Variants in ZEB1 observed in about 807,000 individuals in gnomAD.
ZEB1 encodes zinc finger E-box-binding homeobox 1.
ZEB1 carries 21 observed loss-of-function variants against 84.9 expected under a neutral mutation model. The observed-to-expected ratio is 0.25, with a 90% CI of 0.18 to 0.36. The LOEUF (loss-of-function observed/expected upper bound fraction) is 0.36. ZEB1 is among the 10% of genes least tolerant of loss of function. The pLI is 1.00. For synonymous variants in ZEB1, 420 were observed against 471.1 expected, an observed-to-expected ratio of 0.89 and a Z score of 1.41; for missense variants, 1,104 against 1,330.2, an observed-to-expected ratio of 0.83 and a Z score of 2.65.
In ZEB1 at chr10:31,526,653, C is replaced by T; in HGVS notation, c.2786-19C>T. The T allele has an allele frequency of 6.2e-7, 1 of 1,612,378 alleles. No individual in the cohort carries two copies. Among genetic ancestry groups the T allele is most frequent in the Non-Finnish European group, 8.5e-7 (1 of 1,179,848 alleles). On this transcript the variant is annotated intron_variant, in intron 8 of 8. Transcript: ENST00000424869. The stretch of plus-strand genomic sequence containing the variant: ...TGCTGAATACCACCATTTTATTTAA[C>T]AGAATTCTTATTTTGCAGGTAAAAG...
intron 1 of ZEB1, among the ~76,000 whole-genome samples, chr10:31,349,938 T>C (rs2041026842): frequency 6.6e-6 from 1 of 152,188 alleles, no homozygotes; most frequent in Non-Finnish European, 1.5e-5. Context: ...CCTATTTGTC[T>C]ATTTTTGTTT....
intron 1 of ZEB1, among the ~76,000 whole-genome samples, chr10:31,452,548 T>C (rs1234206119): frequency 6.6e-6 from 1 of 152,160 alleles, no homozygotes; most frequent in African/African-American, 2.4e-5. Context: ...TGCAGTTTTG[T>C]TTTCATTTTC....
intron 2 of ZEB1, among the ~76,000 whole-genome samples, chr10:31,471,738 C>A (rs2137953939): frequency 6.9e-6 from 1 of 144,330 alleles, no homozygotes; most frequent in South Asian, 2.3e-4. Context: ...AACTCTCCAC[C>A]CCAAATCAAC....
chr10:31,363,708 C>T, intron 1 of ZEB1: 1 of 1,219,550 alleles, frequency 8.2e-7, no homozygotes, highest in South Asian at 1.3e-5. Flanking sequence ...GGTGTCCAAA[C>T]ATTATGGAGT....
At position 31,529,710 on chromosome 10, in the gene ZEB1, A is replaced by G. The variant is rs1411228615; in HGVS notation, c.*2446A>G. ...TCACTTTTTTTGCTTCTAATTCCAG[A>G]ATATATGTTAAATGATCTAATAATT... On this transcript the variant is annotated 3_prime_UTR_variant, in exon 9 of 9. Transcript: ENST00000424869. 1 of 152,248 alleles carries G rather than the reference A, an allele frequency of 6.6e-6. No individual in the cohort carries two copies. Among genetic ancestry groups the G allele is most frequent in the Non-Finnish European group, 1.5e-5 (1 of 68,038 alleles). The allele number at this position is 152,248 out of a possible 1,614,324, so 9.4% of individuals were successfully genotyped here. A position where few individuals can be genotyped will look rare whatever the true frequency, so the allele number is the denominator to read the frequency against.
chr10:31,497,871 C>T (rs904380281), intron 3 of ZEB1, among the ~76,000 whole-genome samples: 5 of 151,288 alleles, frequency 3.3e-5, no homozygotes, highest in Non-Finnish European at 5.9e-5. Context: ...AAGTTTCAAA[C>T]ATGGAGGATA....
intron 1 of ZEB1, among the ~76,000 whole-genome samples, chr10:31,325,968 T>C (rs2035391753): frequency 1.3e-5 from 1 of 79,894 alleles, no homozygotes. Flanking sequence ...TGGTTTTGGG[T>C]TTTTTTTTTT....
At position 31,349,105 on chromosome 10, in the gene ZEB1, C is replaced by T. The variant is rs1358580572; in HGVS notation, c.58+29813C>T. ...CTACACCCCAGCCTCTGGTTACCAC[C>T]ATTCTACTCTCTGCTTCCATGATTT... is the stretch of plus-strand genomic sequence containing the variant. On this transcript the variant is annotated intron_variant, in intron 1 of 8. Coordinates refer to ENST00000424869, the MANE Select transcript of ZEB1 (RefSeq NM_001174096.2). Among the ~76,000 whole-genome samples the T allele has an allele frequency of 2.6e-5, 4 of 152,270 alleles. 1 individual carries two copies. Among genetic ancestry groups the T allele is most frequent in the Admixed American group, 2.0e-4 (3 of 15,290 alleles).
At position 31,406,282 on chromosome 10, in the gene ZEB1, A is replaced by G. The variant is rs138102382; in HGVS notation, c.59-54755A>G. 2.2e-3 allele frequency among the ~76,000 whole-genome samples: 332 copies of G among 152,244 alleles called. 2 individuals carry two copies. Among genetic ancestry groups the G allele is most frequent in the African/African-American group, 7.3e-3 (304 of 41,524 alleles). On this transcript the variant is annotated intron_variant, in intron 1 of 8. Transcript: ENST00000424869. ...AAGAATTGCCACACTGTCTTCCATA[A>G]TGGTTGAACTAATTTACACTCCCAC...
chr10:31,407,120 G>C (rs549757933), intron 1 of ZEB1, among the ~76,000 whole-genome samples: 98 of 151,368 alleles, frequency 6.5e-4, no homozygotes, highest in Non-Finnish European at 1.2e-3. Context: ...TATACCTTAA[G>C]TTTTAGGGTA....
intron 1 of ZEB1, among the ~76,000 whole-genome samples, chr10:31,445,189 A>G (rs1027087440): frequency 4.4e-4 from 64 of 144,896 alleles, no homozygotes; most frequent in Middle Eastern, 3.4e-3. Flanking sequence ...TGTGAATGGG[A>G]GTTCACTCAT....
intron 1 of ZEB1, 41 bp from the exon 2 acceptor site, chr10:31,460,996 A>C (rs772574125): frequency 1.3e-6 from 2 of 1,492,558 alleles, no homozygotes; most frequent in Non-Finnish European, 1.9e-6. Flanking sequence ...TGATTGTTTT[A>C]CTAGTTGGTT....
rs10490929 is a variant in ZEB1 at position 31,527,668 on chromosome 10, C to T, written c.*404C>T. 8,103 of 173,670 alleles carry T rather than the reference C, an allele frequency of 0.047. 601 individuals carry two copies. Among genetic ancestry groups the T allele is most frequent in the East Asian group, 0.17 (1,084 of 6,382 alleles). 10.8% of individuals were successfully genotyped at this position (173,670 alleles called of 1,614,324 possible). On this transcript the variant is annotated 3_prime_UTR_variant, in exon 9 of 9. Coordinates refer to ENST00000424869, the MANE Select transcript of ZEB1 (RefSeq NM_001174096.2). ...ACTCTTATGTTGGTTTATTCTTAAGCTGTACAATTGGGAGAAATTTTATAA... is the reference window on the plus strand; with the variant it reads ...ACTCTTATGTTGGTTTATTCTTAAGTTGTACAATTGGGAGAAATTTTATAA...
chr10:31,527,948 C>A lies in ZEB1; in HGVS notation c.*684C>A, dbSNP rs924486432. ...CTGATAGAAGAACTGAAGTTTCTTA[C>A]TCACGTGGTTTAAAATGGAGTTCAA... On this transcript the variant is annotated 3_prime_UTR_variant, in exon 9 of 9. Coordinates refer to ENST00000424869, the MANE Select transcript of ZEB1 (RefSeq NM_001174096.2). 1 of 152,274 alleles carries A rather than the reference C, an allele frequency of 6.6e-6. No individual in the cohort carries two copies. Among genetic ancestry groups the A allele is most frequent in the African/African-American group, 2.4e-5 (1 of 41,448 alleles). The allele number at this position is 152,274 out of a possible 1,614,324, so 9.4% of individuals were successfully genotyped here. A position where few individuals can be genotyped will look rare whatever the true frequency, so the allele number is the denominator to read the frequency against.
chr10:31,436,978 T>G (rs2058367283), intron 1 of ZEB1, among the ~76,000 whole-genome samples: 1 of 152,208 alleles, frequency 6.6e-6, no homozygotes, highest in Admixed American at 6.5e-5. Flanking sequence ...GAATAAGTTA[T>G]GTCCACAGAT....
intron 1 of ZEB1, among the ~76,000 whole-genome samples, chr10:31,444,022 CCCA>C (rs1165704781): frequency 1.3e-5 from 2 of 150,206 alleles, no homozygotes; most frequent in East Asian, 4.0e-4. Flanking sequence ...AGTTTACAGT[CCCA>C]CCAACAGTGT....
At chr10:31,406,850 A>G (rs1378902170) in intron 1 of ZEB1, among the ~76,000 whole-genome samples, 2 of 152,020 alleles carry the variant, frequency 1.3e-5, no homozygotes. Context: ...TGTTTAATCT[A>G]TCTTGAGTTA....
intron 1 of ZEB1, chr10:31,321,429 A>G: frequency 1.2e-6 from 2 of 1,612,814 alleles, no homozygotes; most frequent in Non-Finnish European, 1.7e-6. Flanking sequence ...TATAGCAAGG[A>G]GTGGAGCATA....
chr10:31,346,946 G>C (rs2040420817), intron 1 of ZEB1, among the ~76,000 whole-genome samples: 1 of 152,138 alleles, frequency 6.6e-6, no homozygotes, highest in African/African-American at 2.4e-5. Context: ...ATGGTTTAAA[G>C]CTTTGATAAG....
Sources: allele counts gnomAD v4.1 joint callset (sites outside exome capture counted in the v4.1 genomes callset), GRCh38; gene constraint gnomAD v4.1.1; transcripts MANE v1.5; gene names NCBI Gene and HGNC (gene_info 2026-07-23, HGNC 2026-07-21).